Variants in LIN28B observed in about 807,000 individuals in gnomAD.
LIN28B encodes lin-28 RNA binding posttranscriptional regulator B, also known as protein lin-28 homolog B.
LIN28B carries 5 observed loss-of-function variants against 21.9 expected under a neutral mutation model. That is an observed-to-expected ratio of 0.23 (90% confidence interval 0.12 to 0.48). The LOEUF is 0.48. Among genes scored for constraint, LIN28B ranks in the 20% least tolerant of loss-of-function variants. The pLI is 0.98. For synonymous variants in LIN28B, 109 were observed against 111.3 expected (o/e 0.98, Z 0.13); for missense variants, 245 against 310.5 (o/e 0.79, Z 1.58).
rs1770676757 is a variant in LIN28B, at chr6:104,999,476, GAGAAATAATTTGTAATGTA to G, written c.199-26821_199-26803del. 2.6e-5 allele frequency among the ~76,000 whole-genome samples: 4 copies of G among 152,086 alleles called. No individual in the cohort carries two copies. In the South Asian group the frequency reaches 8.3e-4, roughly 32 times the overall value. ...AATACCTAATACTAGCAAGGTTGCA[GAGAAATAATTTGTAATGTA>G]TATCAAAAGCATGTAAATTAGAATG... On this transcript the variant is annotated intron_variant, in intron 2 of 3. Coordinates refer to ENST00000345080, the MANE Select transcript of LIN28B (RefSeq NM_001004317.4).
intron 3 of LIN28B, among the ~76,000 whole-genome samples, chr6:105,074,088 ATTAC>A (rs1772379490): frequency 6.6e-6 from 1 of 152,186 alleles, no homozygotes; most frequent in African/African-American, 2.4e-5. Context: ...AACTCATGTA[ATTAC>A]TTCAGAATAT....
intron 2 of LIN28B, among the ~76,000 whole-genome samples, chr6:105,018,355 C>G (rs1042888183): frequency 1.3e-5 from 2 of 152,136 alleles, no homozygotes; most frequent in African/African-American, 4.8e-5. Flanking sequence ...TTTTTGGTCT[C>G]TCACTTCACA....
In LIN28B at chr6:105,079,559, G is replaced by T. The variant is rs1242415535; in HGVS notation, c.*776G>T. The stretch of plus-strand genomic sequence containing the variant: ...AATTCTGTGTTTAATTGTAAAATTA[G>T]ATGCCTATTAAGAGAAATGAAGGGG... On this transcript the variant is annotated 3_prime_UTR_variant, in exon 4 of 4. Coordinates refer to ENST00000345080, the MANE Select transcript of LIN28B (RefSeq NM_001004317.4). 6.6e-6 allele frequency: 1 copy of T among 152,618 alleles called. No individual in the cohort carries two copies. The highest frequency in any genetic ancestry group is 1.5e-5 in the Non-Finnish European group (1 of 68,048). 9.5% of individuals were successfully genotyped at this position (152,618 alleles called of 1,614,324 possible).
intron 2 of LIN28B, among the ~76,000 whole-genome samples, chr6:105,021,803 TGAA>T (rs1771146654): frequency 6.6e-6 from 1 of 152,172 alleles, no homozygotes; most frequent in Admixed American, 6.6e-5. Flanking sequence ...TCTTTTGCTG[TGAA>T]GAAGGAGGCT....
At chr6:105,029,172 G>A (rs1049566766) in intron 3 of LIN28B, among the ~76,000 whole-genome samples, 4 of 152,188 alleles carry the variant, frequency 2.6e-5, no homozygotes, top group Non-Finnish European at 5.9e-5. Flanking sequence ...GAAAACAGAG[G>A]AAGCAGAGAC....
intron 2 of LIN28B, among the ~76,000 whole-genome samples, chr6:104,981,582 T>C (rs1770227518): frequency 2.0e-5 from 3 of 152,358 alleles, no homozygotes; most frequent in African/African-American, 4.8e-5. Flanking sequence ...GTAATTCATA[T>C]ATCCTCAGCA....
intron 2 of LIN28B, among the ~76,000 whole-genome samples, chr6:104,996,327 G>T (rs1770602405): frequency 6.6e-6 from 1 of 152,180 alleles, no homozygotes; most frequent in African/African-American, 2.4e-5. Context: ...ATCATTTCTG[G>T]TTTGGACAGT....
intron 2 of LIN28B, among the ~76,000 whole-genome samples, chr6:104,963,666 C>G (rs1025224369): frequency 1.3e-5 from 2 of 152,198 alleles, no homozygotes; most frequent in Admixed American, 1.3e-4. Context: ...AAATGCATAG[C>G]ATCCTCCATT....
At chr6:105,060,015 T>C (rs1400833040) in intron 3 of LIN28B, among the ~76,000 whole-genome samples, 1 of 151,382 alleles carries the variant, frequency 6.6e-6, no homozygotes, top group Non-Finnish European at 1.5e-5. Flanking sequence ...GCGATTCTCC[T>C]GCCTCAGCCT....
chr6:105,010,636 A>G (rs767454850), intron 2 of LIN28B, among the ~76,000 whole-genome samples: 6 of 152,206 alleles, frequency 3.9e-5, no homozygotes, highest in East Asian at 3.8e-4. Flanking sequence ...TCTTTTTGCT[A>G]CATTTCAAAA....
intron 3 of LIN28B, among the ~76,000 whole-genome samples, chr6:105,039,528 C>G (rs1771590001): frequency 6.6e-6 from 1 of 151,938 alleles, no homozygotes; most frequent in African/African-American, 2.4e-5. Context: ...TTTTTAAAAC[C>G]ATCAAATGAT....
chr6:104,995,529 G>A (rs1458923779), intron 2 of LIN28B, among the ~76,000 whole-genome samples: 2 of 152,108 alleles, frequency 1.3e-5, no homozygotes, highest in Admixed American at 1.3e-4. Flanking sequence ...TCAAGTCTAG[G>A]TTCTAGTTAT....
chr6:104,951,504 CTTA>C lies in LIN28B; in HGVS notation c.67+1001_67+1003del, dbSNP rs1162824369. On this transcript the variant is annotated intron_variant, in intron 3 of 5. Coordinates refer to the LIN28B transcript ENST00000635857. ...GTTTTAGTATACCACCTAGTTTCCT[CTTA>C]TTATTGTTTTCATTTATTAATTTTT... 3.9e-5 allele frequency among the ~76,000 whole-genome samples: 6 copies of C among 152,084 alleles called. No homozygotes were observed. The East Asian group carries it at 7.7e-4, about 20-fold the overall frequency.
At chr6:104,998,693 G>A (rs1162324066) in intron 2 of LIN28B, among the ~76,000 whole-genome samples, 47 of 151,954 alleles carry the variant, frequency 3.1e-4, no homozygotes, top group Admixed American at 3.1e-3. Flanking sequence ...AGTAATGATG[G>A]CCATTTAATG....
intron 3 of LIN28B, among the ~76,000 whole-genome samples, chr6:105,075,950 G>A (rs1244328160): frequency 6.6e-6 from 1 of 152,228 alleles, no homozygotes; most frequent in Non-Finnish European, 1.5e-5. Flanking sequence ...ATATTTTATA[G>A]ATGGGCAACT....
At chr6:104,972,574 C>T (rs1018968876) in intron 2 of LIN28B, among the ~76,000 whole-genome samples, 14 of 152,044 alleles carry the variant, frequency 9.2e-5, no homozygotes, top group African/African-American at 3.1e-4. Flanking sequence ...GGGTGGGTAA[C>T]ACCATTAGAT....
intron 3 of LIN28B, among the ~76,000 whole-genome samples, chr6:105,037,482 TCCCCCTCC>T (rs1562101487): frequency 1.8e-5 from 2 of 109,784 alleles, no homozygotes; most frequent in African/African-American, 6.8e-5. Flanking sequence ...TCCCCTCTCC[TCCCCCTCC>T]TCCCCCTCCT....
chr6:104,970,447 G>C (rs1769952322), intron 2 of LIN28B, among the ~76,000 whole-genome samples: 2 of 152,136 alleles, frequency 1.3e-5, no homozygotes, highest in Non-Finnish European at 2.9e-5. Flanking sequence ...ATCTCAGAAT[G>C]AAGCATAAAA....
chr6:104,986,557 T>TG (rs1582879652), intron 2 of LIN28B, among the ~76,000 whole-genome samples: 1 of 149,278 alleles, frequency 6.7e-6, no homozygotes. Context: ...AAAGTCTCTG[T>TG]GGGGGTTTTG....
Sources: allele counts gnomAD v4.1 joint callset (sites outside exome capture counted in the v4.1 genomes callset), GRCh38; gene constraint gnomAD v4.1.1; transcripts MANE v1.5; gene names NCBI Gene and HGNC (gene_info 2026-07-23, HGNC 2026-07-21).